ZFAND6: variants seen among roughly 807,000 people sequenced by gnomAD.
ZFAND6 encodes the protein AN1-type zinc finger protein 6.
A neutral mutation model predicts 24.5 loss-of-function variants in ZFAND6; 12 were observed. That is an observed-to-expected ratio of 0.49 (90% confidence interval 0.31 to 0.79). ZFAND6 has a LOEUF of 0.79. ZFAND6 is among the 30% of genes least tolerant of loss of function. ZFAND6 has a pLI of 0.04. For missense variants in ZFAND6, 207 were observed against 245.9 expected (o/e 0.84, Z 1.06); for synonymous variants, 92 against 81.5 (o/e 1.13, Z -0.69).
intron 1 of ZFAND6, among the ~76,000 whole-genome samples, chr15:80,095,958 T>C (rs2038697342): frequency 6.6e-6 from 1 of 152,230 alleles, no homozygotes; most frequent in African/African-American, 2.4e-5. Context: ...GGTATCCAAA[T>C]CTGGATACTA....
intron 3 of ZFAND6, 128 bp downstream of exon 3, chr15:80,120,626 T>A: frequency 1.3e-6 from 1 of 754,946 alleles, no homozygotes; most frequent in Non-Finnish European, 1.8e-6. Flanking sequence ...GTAAAATTTC[T>A]CATTACACAT....
At chr15:80,108,942 G>C (rs1408051131) in intron 2 of ZFAND6, among the ~76,000 whole-genome samples, 1 of 151,988 alleles carries the variant, frequency 6.6e-6, no homozygotes, top group East Asian at 1.9e-4. Context: ...TGACTAGGCT[G>C]GTCTTGAACT....
At chr15:80,068,126 C>G (rs2141802946) in intron 1 of ZFAND6, among the ~76,000 whole-genome samples, 1 of 144,854 alleles carries the variant, frequency 6.9e-6, no homozygotes, top group South Asian at 2.2e-4. Context: ...CGCGCCTGGC[C>G]TGTTTTTTTT....
At chr15:80,097,458 G>T (rs2038790526) in intron 1 of ZFAND6, among the ~76,000 whole-genome samples, 1 of 152,024 alleles carries the variant, frequency 6.6e-6, no homozygotes, top group African/African-American at 2.4e-5. Flanking sequence ...GACCAGCCCT[G>T]CCGATATGGT....
At chr15:80,099,726 C>T (rs781445299) in intron 2 of ZFAND6, among the ~76,000 whole-genome samples, 4 of 144,794 alleles carry the variant, frequency 2.8e-5, no homozygotes, top group African/African-American at 1.0e-4. Context: ...AAGTAATTCT[C>T]CTGTCTCAGC....
intron 1 of ZFAND6, among the ~76,000 whole-genome samples, chr15:80,083,333 G>A (rs895090812): frequency 6.6e-6 from 1 of 152,114 alleles, no homozygotes; most frequent in Non-Finnish European, 1.5e-5. Flanking sequence ...GTGAATTGGT[G>A]GTGGTATTAT....
chr15:80,105,183 G>A (rs557044517), intron 2 of ZFAND6, among the ~76,000 whole-genome samples: 8 of 152,282 alleles, frequency 5.3e-5, no homozygotes, highest in South Asian at 2.1e-4. Flanking sequence ...AATATTGAGC[G>A]TAAGCACATA....
At chr15:80,085,627 A>C (rs528053454) in intron 1 of ZFAND6, among the ~76,000 whole-genome samples, 2 of 152,374 alleles carry the variant, frequency 1.3e-5, no homozygotes, top group South Asian at 4.1e-4. Flanking sequence ...AAAAATGGAT[A>C]AAAATATCTG....
At chr15:80,123,270 G>A (rs1044147708) in intron 5 of ZFAND6, among the ~76,000 whole-genome samples, 1 of 152,144 alleles carries the variant, frequency 6.6e-6, no homozygotes, top group African/African-American at 2.4e-5. Context: ...TCACAGCATG[G>A]TATCTATCGT....
intron 1 of ZFAND6, among the ~76,000 whole-genome samples, chr15:80,084,311 A>G (rs1191870139): frequency 6.6e-6 from 1 of 152,248 alleles, no homozygotes; most frequent in East Asian, 1.9e-4. Context: ...ATGCTGAAAG[A>G]AAATGTTCAT....
intron 6 of ZFAND6, among the ~76,000 whole-genome samples, chr15:80,135,092 A>T (rs552361817): frequency 6.6e-6 from 1 of 152,226 alleles, no homozygotes; most frequent in Non-Finnish European, 1.5e-5. Flanking sequence ...AGACAGCAAG[A>T]CCAACCCCTC....
chr15:80,110,047 G>C (rs2039528584), intron 2 of ZFAND6, among the ~76,000 whole-genome samples: 1 of 152,140 alleles, frequency 6.6e-6, no homozygotes. Context: ...TCAGCTACTC[G>C]TCACATGAGC....
At chr15:80,068,273 A>G (rs1190030830) in intron 1 of ZFAND6, among the ~76,000 whole-genome samples, 1 of 151,474 alleles carries the variant, frequency 6.6e-6, no homozygotes, top group Non-Finnish European at 1.5e-5. Context: ...TCAGCCTCCT[A>G]AGTAGCTGGG....
intron 5 of ZFAND6, among the ~76,000 whole-genome samples, chr15:80,127,604 A>ACC (rs1567097430): frequency 6.9e-6 from 1 of 145,298 alleles, no homozygotes; most frequent in African/African-American, 2.5e-5. Flanking sequence ...AAAAAAAAAA[A>ACC]AAAAAAAAAA....
chr15:80,126,843 T>C (rs935105514), intron 5 of ZFAND6, among the ~76,000 whole-genome samples: 2 of 152,158 alleles, frequency 1.3e-5, no homozygotes, highest in African/African-American at 4.8e-5. Context: ...CCAGGTGCAG[T>C]GACTTATGCC....
chr15:80,131,107 T>G, intron 5 of ZFAND6, 73 bp from the exon 6 acceptor site: 3 of 1,125,344 alleles, frequency 2.7e-6, no homozygotes, highest in East Asian at 2.4e-5. Context: ...AATAATAGAC[T>G]AGGGAGGGTG....
chr15:80,130,751 C>T (rs930090509), intron 5 of ZFAND6: 3 of 158,330 alleles, frequency 1.9e-5, no homozygotes, highest in African/African-American at 7.2e-5. Flanking sequence ...ATCTTGGTTT[C>T]ACCTTTTCCC....
intron 1 of ZFAND6, among the ~76,000 whole-genome samples, chr15:80,069,114 AT>A (rs2036830031): frequency 6.6e-6 from 1 of 151,912 alleles, no homozygotes; most frequent in African/African-American, 2.4e-5. Context: ...TATTTTATTT[AT>A]TTTTTTCTGG....
chr15:80,083,157 A>G (rs1368799307), intron 1 of ZFAND6, among the ~76,000 whole-genome samples: 1 of 151,948 alleles, frequency 6.6e-6, no homozygotes, highest in African/African-American at 2.4e-5. Flanking sequence ...ACGCCTGGCT[A>G]ATTTTTGTAT....
Sources: gnomAD v4.1 joint callset for allele counts (sites outside exome capture counted in the v4.1 genomes callset) on GRCh38, gnomAD v4.1.1 for gene constraint, MANE v1.5 for transcripts, NCBI Gene and HGNC (gene_info 2026-07-23, HGNC 2026-07-21) for gene names.